Variants in PDE4B observed in about 807,000 individuals in gnomAD.
PDE4B encodes the protein 3',5'-cyclic-AMP phosphodiesterase 4B.
A neutral mutation model predicts 82.2 loss-of-function variants in PDE4B; 20 were observed. The observed-to-expected ratio is 0.24, with a 90% CI of 0.17 to 0.35. The LOEUF (loss-of-function observed/expected upper bound fraction) is 0.35, where lower values mean the gene tolerates loss of function less well. Among genes scored for constraint, PDE4B ranks in the 10% least tolerant of loss-of-function variants. The probability of loss-of-function intolerance (pLI) is 1.00; values close to 1 mark genes in which losing one functional copy is unlikely to be tolerated. For synonymous variants in PDE4B, 320 were observed against 318.9 expected (o/e 1.00, Z -0.04); for missense variants, 655 against 907.2 (o/e 0.72, Z 3.57).
intron 16 of PDE4B, among the ~76,000 whole-genome samples, chr1:66,371,891 CT>C (rs1475170892): frequency 6.6e-6 from 1 of 152,176 alleles, no homozygotes; most frequent in Non-Finnish European, 1.5e-5. Flanking sequence ...CATTCTTTGT[CT>C]TTGGGTCCCT....
intron 9 of PDE4B, among the ~76,000 whole-genome samples, chr1:66,357,510 T>G (rs1423741802): frequency 6.6e-6 from 1 of 151,916 alleles, no homozygotes; most frequent in Non-Finnish European, 1.5e-5. Flanking sequence ...CTATTCTGCT[T>G]GCTATTTAGG....
chr1:66,177,568 G>C (rs1410619422), intron 3 of PDE4B, among the ~76,000 whole-genome samples: 1 of 152,214 alleles, frequency 6.6e-6, no homozygotes, highest in Non-Finnish European at 1.5e-5. Flanking sequence ...TAATCACTCT[G>C]TAAACTTTAT....
At chr1:66,114,963 T>C (rs1445801587) in intron 3 of PDE4B, among the ~76,000 whole-genome samples, 1 of 152,158 alleles carries the variant, frequency 6.6e-6, no homozygotes, top group Non-Finnish European at 1.5e-5. Context: ...TTGAATTTTA[T>C]CCAGTGTCAG....
At chr1:66,256,639 T>C (rs1654252430) in intron 4 of PDE4B, among the ~76,000 whole-genome samples, 1 of 152,164 alleles carries the variant, frequency 6.6e-6, no homozygotes, top group South Asian at 2.1e-4. Context: ...AATGGATGCA[T>C]GTGTTGTTCG....
At chr1:66,074,774 G>A (rs775683293) in intron 3 of PDE4B, among the ~76,000 whole-genome samples, 4 of 152,052 alleles carry the variant, frequency 2.6e-5, no homozygotes, top group Non-Finnish European at 5.9e-5. Flanking sequence ...TCAGCATAAT[G>A]TTTTCAAGGT....
chr1:66,127,093 C>T (rs115612457), intron 3 of PDE4B, among the ~76,000 whole-genome samples: 71 of 152,112 alleles, frequency 4.7e-4, no homozygotes, highest in Non-Finnish European at 7.9e-4. Context: ...TAGACAAAAG[C>T]CATTAGTGGA....
chr1:66,086,375 G>A (rs906278322), intron 3 of PDE4B, among the ~76,000 whole-genome samples: 1 of 152,118 alleles, frequency 6.6e-6, no homozygotes, highest in African/African-American at 2.4e-5. Context: ...TTTTCATAAA[G>A]GAGATGATAG....
intron 3 of PDE4B, among the ~76,000 whole-genome samples, chr1:66,079,169 T>TCC (rs1053271274): frequency 4.5e-5 from 3 of 66,174 alleles, no homozygotes; most frequent in African/African-American, 1.4e-4. Context: ...GCTTCTTTTC[T>TCC]CTCTCTCTCT....
intron 3 of PDE4B, among the ~76,000 whole-genome samples, chr1:65,967,269 C>T (rs183014885): frequency 6.6e-6 from 1 of 152,144 alleles, no homozygotes; most frequent in Non-Finnish European, 1.5e-5. Context: ...ATACAGCCAA[C>T]ACGCATATGA....
intron 3 of PDE4B, among the ~76,000 whole-genome samples, chr1:66,049,465 C>T (rs981525560): frequency 1.3e-5 from 2 of 151,906 alleles, no homozygotes; most frequent in African/African-American, 2.4e-5. Flanking sequence ...TCTTAGGATG[C>T]CTCACCAAAT....
chr1:66,040,788 A>G (rs983110336), intron 3 of PDE4B, among the ~76,000 whole-genome samples: 1 of 151,982 alleles, frequency 6.6e-6, no homozygotes, highest in African/African-American at 2.4e-5. Context: ...TATCAGGTTT[A>G]GAGAAGACTT....
intron 1 of PDE4B, among the ~76,000 whole-genome samples, chr1:65,809,269 T>C (rs957379563): frequency 7.1e-6 from 1 of 141,522 alleles, no homozygotes; most frequent in Non-Finnish European, 1.5e-5. Context: ...AGGCAGAGGT[T>C]GCAGTGAACT....
intron 1 of PDE4B, among the ~76,000 whole-genome samples, chr1:65,846,472 G>A (rs1646269720): frequency 6.6e-6 from 1 of 152,202 alleles, no homozygotes; most frequent in African/African-American, 2.4e-5. Flanking sequence ...TTGTGGCATA[G>A]GAGGTAATAA....
intron 1 of PDE4B, among the ~76,000 whole-genome samples, chr1:65,818,202 T>A (rs190625277): frequency 5.3e-5 from 8 of 152,316 alleles, no homozygotes; most frequent in Non-Finnish European, 1.0e-4. Flanking sequence ...TCAGCCACTT[T>A]CTATGTCACA....
At position 65,913,252 on chromosome 1, in the gene PDE4B, A is replaced by T; in HGVS notation, c.-63A>T. The T allele has an allele frequency of 6.8e-7, 1 of 1,469,354 alleles. No individual in the cohort carries two copies. 91.0% of individuals were successfully genotyped at this position (1,469,354 alleles called of 1,614,324 possible). ...TGTTTTTTTCTCCTGTAGGTATTAA[A>T]AAGTGTCAGCAAACTGCATTGAATA... On this transcript the variant is annotated 5_prime_UTR_variant, in exon 2 of 17. Transcript: ENST00000341517.
At chr1:66,120,862 T>C (rs761914693) in intron 3 of PDE4B, among the ~76,000 whole-genome samples, 1 of 152,198 alleles carries the variant, frequency 6.6e-6, no homozygotes, top group Non-Finnish European at 1.5e-5. Flanking sequence ...TGAGAACTAT[T>C]TATTTCCCTA....
At position 66,099,436 on chromosome 1, in the gene PDE4B, C is replaced by T. The variant is rs941108381; in HGVS notation, c.282-148024C>T. 2.0e-5 allele frequency among the ~76,000 whole-genome samples: 3 copies of T among 152,066 alleles called. No individual in the cohort carries two copies. In the South Asian group the frequency reaches 6.2e-4, roughly 32 times the overall value. ...TAGTGCTTCAGTGAACATATACATGCATGTATTGAAGTAATACATTAGTGG... is the reference window on the plus strand; with the variant it reads ...TAGTGCTTCAGTGAACATATACATGTATGTATTGAAGTAATACATTAGTGG... On this transcript the variant is annotated intron_variant, in intron 3 of 16. Coordinates refer to ENST00000341517, the MANE Select transcript of PDE4B (RefSeq NM_002600.4).
At chr1:66,291,990 C>T (rs1439256961) in intron 7 of PDE4B, among the ~76,000 whole-genome samples, 1 of 152,090 alleles carries the variant, frequency 6.6e-6, no homozygotes, top group Non-Finnish European at 1.5e-5. Flanking sequence ...TTCACGCATT[C>T]TGCACATAAT....
chr1:65,949,253 G>A (rs932348940), intron 3 of PDE4B, among the ~76,000 whole-genome samples: 6 of 152,110 alleles, frequency 3.9e-5, no homozygotes, highest in Non-Finnish European at 8.8e-5. Flanking sequence ...CCTCCCTAAG[G>A]AATATGGTCG....
Sources: allele counts gnomAD v4.1 joint callset (sites outside exome capture counted in the v4.1 genomes callset), GRCh38; gene constraint gnomAD v4.1.1; transcripts MANE v1.5; gene names NCBI Gene and HGNC (gene_info 2026-07-23, HGNC 2026-07-21).